Variants in ZFHX3 observed in about 807,000 individuals in gnomAD.
ZFHX3 encodes zinc finger homeobox protein 3.
Under a neutral mutation model 279.1 loss-of-function variants are expected in ZFHX3, and 42 were observed. The ratio of observed to expected loss-of-function variants is 0.15; its 90% CI spans 0.12 to 0.19. The LOEUF is 0.19. Among genes scored for constraint, ZFHX3 ranks in the 10% least tolerant of loss-of-function variants. ZFHX3 has a pLI of 1.00. For missense variants in ZFHX3, 4,981 were observed against 4,754.0 expected, an observed-to-expected ratio of 1.05 and a Z score of -1.40; for synonymous variants, 2,293 against 1,957.8, an observed-to-expected ratio of 1.17 and a Z score of -4.52.
chr16:72,787,715 CGCCACCGCCGCCGCCGCCGCCACT>C lies in ZFHX3; in HGVS notation c.10537_10560del (p.Ser3513_Gly3520del), dbSNP rs750348888. On this transcript the variant is annotated inframe_deletion, in exon 10 of 10. Transcript: ENST00000268489. ...TACGAGCCGCCGCCGCCGCCGCCGCCGCCACCGCCGCCGCCGCCGCCACTGCCACCGCCGCCGCCGCCGGTGGGG... is the reference window on the plus strand; with the variant it reads ...TACGAGCCGCCGCCGCCGCCGCCGCCGCCACCGCCGCCGCCGCCGGTGGGG... The C allele has an allele frequency of 1.1e-3, 1,541 of 1,380,882 alleles. 74 individuals carry two copies. Among genetic ancestry groups the C allele is most frequent in the African/African-American group, 6.2e-3 (416 of 67,434 alleles). 85.5% of individuals were successfully genotyped at this position (1,380,882 alleles called of 1,614,324 possible).
At chr16:73,552,043 GAC>G (rs999991114) in intron 2 of ZFHX3, among the ~76,000 whole-genome samples, 29 of 152,136 alleles carry the variant, frequency 1.9e-4, no homozygotes, top group African/African-American at 6.7e-4. Flanking sequence ...GAGAGAGAGA[GAC>G]AGAGAGAGAG....
At chr16:73,481,882 G>A (rs2018876172) in intron 2 of ZFHX3, among the ~76,000 whole-genome samples, 1 of 152,014 alleles carries the variant, frequency 6.6e-6, no homozygotes, top group Non-Finnish European at 1.5e-5. Context: ...GAAATGCACG[G>A]TCATGGGTTA....
intron 2 of ZFHX3, among the ~76,000 whole-genome samples, chr16:73,621,084 C>A (rs77978461): frequency 6.6e-6 from 1 of 152,184 alleles, no homozygotes; most frequent in African/African-American, 2.4e-5. Context: ...CTAGCACCAA[C>A]GGCCATTACT....
At chr16:73,863,204 T>C (rs911794873) in intron 1 of ZFHX3, among the ~76,000 whole-genome samples, 1 of 152,108 alleles carries the variant, frequency 6.6e-6, no homozygotes, top group Non-Finnish European at 1.5e-5. Flanking sequence ...AGACTCCGTC[T>C]CAAAATAAAC....
rs899335497 is a variant in ZFHX3, at chr16:72,841,122, G to A, written c.3449-11263C>T. On this transcript the variant is annotated intron_variant, in intron 4 of 9. Coordinates refer to ENST00000268489, the MANE Select transcript of ZFHX3 (RefSeq NM_006885.4). Reference sequence around the variant, plus strand: ...TGGGGAGCCTTCAGGTGCCTACCACGAGTTCCCTGGTGCCAGCGGAGAAGA... The same window carrying A: ...TGGGGAGCCTTCAGGTGCCTACCACAAGTTCCCTGGTGCCAGCGGAGAAGA... 2.4e-4 allele frequency among the ~76,000 whole-genome samples: 36 copies of A among 152,288 alleles called. 1 individual carries two copies. Among genetic ancestry groups the A allele is most frequent in the South Asian group, 6.2e-4 (3 of 4,828 alleles).
intron 4 of ZFHX3, among the ~76,000 whole-genome samples, chr16:73,304,524 C>T (rs573626268): frequency 2.0e-4 from 30 of 152,264 alleles, no homozygotes; most frequent in Non-Finnish European, 4.1e-4. Context: ...TCTGCCCGGT[C>T]CCATCCCCCA....
rs1209532028 is a variant in ZFHX3, at chr16:72,958,707, TCCTCTTCTTCCTCCTCCTCCTCCG to T, written c.1415_1438del (p.Ala472_Glu479del). ...GTCTTCCTCCTCCTCTTCTTCCTCC[TCCTCTTCTTCCTCCTCCTCCTCCG>T]CCTCTTCCTCCTCCTCTTCCTCCTC... On this transcript the variant is annotated inframe_deletion, in exon 2 of 10. Coordinates refer to ENST00000268489, the MANE Select transcript of ZFHX3 (RefSeq NM_006885.4). The T allele has an allele frequency of 2.5e-6, 4 of 1,613,588 alleles. No individual in the cohort carries two copies. The highest frequency in any genetic ancestry group is 3.4e-6 in the Non-Finnish European group (4 of 1,179,862).
intron 2 of ZFHX3, among the ~76,000 whole-genome samples, chr16:73,566,146 G>T (rs953160577): frequency 9.2e-5 from 14 of 152,196 alleles, no homozygotes; most frequent in Non-Finnish European, 1.2e-4. Flanking sequence ...CTGAAGGTCT[G>T]TCTCCACATG....
chr16:73,418,072 A>AAGCACAGCAG (rs2017631000), intron 3 of ZFHX3, among the ~76,000 whole-genome samples: 1 of 152,130 alleles, frequency 6.6e-6, no homozygotes, highest in African/African-American at 2.4e-5. Flanking sequence ...TGGAGCTATA[A>AAGCACAGCAG]AGCACAGCAG....
chr16:73,457,003 T>A (rs1317197578), intron 2 of ZFHX3, among the ~76,000 whole-genome samples: 2 of 152,166 alleles, frequency 1.3e-5, no homozygotes, highest in Non-Finnish European at 2.9e-5. Context: ...AGATTGGAGA[T>A]AACATTCAGG....
intron 5 of ZFHX3, among the ~76,000 whole-genome samples, chr16:73,167,923 C>T (rs898761121): frequency 3.9e-5 from 6 of 152,228 alleles, no homozygotes; most frequent in Non-Finnish European, 7.3e-5. Flanking sequence ...TAAAACGACT[C>T]GATGCTTCCC....
chr16:72,865,652 C>T lies in ZFHX3; in HGVS notation c.3448+24079G>A, dbSNP rs533268939. ...ACTGAGATGGAGGGTACCTCCACTA[C>T]CTGTGACTGGCCAAAGAGGAAGGCT... On this transcript the variant is annotated intron_variant, in intron 4 of 9. Transcript: ENST00000268489. Among the ~76,000 whole-genome samples the T allele has an allele frequency of 1.3e-4, 20 of 152,086 alleles. No homozygotes were observed. In the South Asian group the frequency reaches 4.1e-3, roughly 32 times the overall value.
intron 1 of ZFHX3, among the ~76,000 whole-genome samples, chr16:73,033,978 G>C (rs1050863816): frequency 2.0e-5 from 3 of 152,166 alleles, no homozygotes; most frequent in African/African-American, 7.2e-5. Context: ...CTTTCTGCTA[G>C]AAGCCAGCAG....
chr16:73,433,019 A>G (rs2017935961), intron 3 of ZFHX3, among the ~76,000 whole-genome samples: 1 of 152,166 alleles, frequency 6.6e-6, no homozygotes, highest in Non-Finnish European at 1.5e-5. Context: ...AAGCCACAGG[A>G]GGGAGAGGCT....
At chr16:73,583,552 C>A (rs8053305) in intron 2 of ZFHX3, among the ~76,000 whole-genome samples, 2,910 of 152,240 alleles carry the variant, frequency 0.019, 111 homozygotes, top group African/African-American at 0.066. Flanking sequence ...AGAAATTTTG[C>A]CATTCTCCTC....
At chr16:73,089,637 C>T (rs1321319037) in intron 8 of ZFHX3, among the ~76,000 whole-genome samples, 1 of 152,192 alleles carries the variant, frequency 6.6e-6, no homozygotes, top group Non-Finnish European at 1.5e-5. Flanking sequence ...TCTCTGACAA[C>T]AGGAATCCTG....
chr16:73,487,436 T>C (rs1245418882), intron 2 of ZFHX3: 1 of 438,430 alleles, frequency 2.3e-6, no homozygotes, highest in Admixed American at 2.5e-5. Flanking sequence ...AGAGTCTCGA[T>C]CTGTTGCCCA....
intron 3 of ZFHX3, among the ~76,000 whole-genome samples, chr16:72,895,031 C>T (rs1433334513): frequency 1.3e-5 from 2 of 152,158 alleles, no homozygotes; most frequent in Middle Eastern, 3.2e-3. Context: ...GCATGCCAAC[C>T]GGGGACCCAA....
chr16:73,188,544 A>G (rs1448031049), intron 5 of ZFHX3, among the ~76,000 whole-genome samples: 1 of 152,244 alleles, frequency 6.6e-6, no homozygotes, highest in East Asian at 1.9e-4. Flanking sequence ...GTGGGGAAAC[A>G]GGGACAAAGA....
Sources: gnomAD v4.1 joint callset for allele counts (sites outside exome capture counted in the v4.1 genomes callset) on GRCh38, gnomAD v4.1.1 for gene constraint, MANE v1.5 for transcripts, NCBI Gene and HGNC (gene_info 2026-07-23, HGNC 2026-07-21) for gene names.